ARHGAP10: variants seen among roughly 807,000 people sequenced by gnomAD.
The protein encoded by ARHGAP10 is rho GTPase-activating protein 10.
A neutral mutation model predicts 108.6 loss-of-function variants in ARHGAP10; 87 were observed. The ratio of observed to expected loss-of-function variants is 0.80; its 90% CI spans 0.67 to 0.96. ARHGAP10 has a LOEUF of 0.96. ARHGAP10 is among the 40% of genes least tolerant of loss of function. ARHGAP10 has a pLI of 0.00. For missense variants in ARHGAP10, 939 were observed against 954.5 expected (o/e 0.98, Z 0.21); for synonymous variants, 347 against 341.1 (o/e 1.02, Z -0.19).
At chr4:147,738,409 C>T (rs902545281) in intron 1 of ARHGAP10, among the ~76,000 whole-genome samples, 9 of 151,962 alleles carry the variant, frequency 5.9e-5, no homozygotes, top group South Asian at 2.1e-4. Context: ...ATAAATTAGC[C>T]GGGCGTAGTG....
Position 147,874,955 on chromosome 4 carries a change from T to C in ARHGAP10, c.703-66T>C. On this transcript the variant is annotated intron_variant, in intron 7 of 22. Coordinates refer to ENST00000336498, the MANE Select transcript of ARHGAP10 (RefSeq NM_024605.4). ...TGTAATTACATTTATGCAGAGACTTTAAAATGTTCATGAGAAAACTCATAT... is the reference window on the plus strand; with the variant it reads ...TGTAATTACATTTATGCAGAGACTTCAAAATGTTCATGAGAAAACTCATAT... The C allele has an allele frequency of 2.1e-6, 3 of 1,417,046 alleles. No homozygotes were observed. In the Admixed American group the frequency reaches 8.1e-5, roughly 38 times the overall value. 87.8% of individuals were successfully genotyped at this position (1,417,046 alleles called of 1,614,324 possible).
intron 7 of ARHGAP10, among the ~76,000 whole-genome samples, chr4:147,872,099 C>CAA (rs36205660): frequency 0.043 from 3,012 of 69,614 alleles, 199 homozygotes; most frequent in African/African-American, 0.12. Flanking sequence ...GAGACTCGGT[C>CAA]AAAAAAAAAA....
rs542025017 is a variant in ARHGAP10 at position 147,868,212 on chromosome 4, A to G, written c.702+1396A>G. On this transcript the variant is annotated intron_variant, in intron 7 of 22. Transcript: ENST00000336498. ...CAAAATTGTCCCTGCAGGTAGTAGA[A>G]TATTGAGTCTAATGTTGTTGAGTTT... 3.6e-4 allele frequency among the ~76,000 whole-genome samples: 55 copies of G among 151,976 alleles called. No individual in the cohort carries two copies. In the South Asian group the frequency reaches 0.01, roughly 29 times the overall value.
chr4:147,932,749 G>A (rs995976146), intron 13 of ARHGAP10, among the ~76,000 whole-genome samples: 1 of 152,020 alleles, frequency 6.6e-6, no homozygotes, highest in Non-Finnish European at 1.5e-5. Flanking sequence ...AAACCACTAT[G>A]GCACACGTTT....
intron 1 of ARHGAP10, among the ~76,000 whole-genome samples, chr4:147,792,499 A>G (rs1331261741): frequency 3.3e-5 from 5 of 152,160 alleles, no homozygotes; most frequent in African/African-American, 4.8e-5. Flanking sequence ...TTTATAATAT[A>G]ATGAACACCT....
In ARHGAP10 at chr4:147,985,022, G is replaced by A. The variant is rs186306780; in HGVS notation, c.1716+18183G>A. 1.6e-3 allele frequency among the ~76,000 whole-genome samples: 247 copies of A among 152,234 alleles called. 1 individual carries two copies. The highest frequency in any genetic ancestry group is 5.6e-3 in the African/African-American group (232 of 41,544). ...ACATAGAGATGTGCCTAGGTGTGGA[G>A]CTGGGAACCTCACCTGGTCTCAAGT... On this transcript the variant is annotated intron_variant, in intron 18 of 22. Transcript: ENST00000336498.
At chr4:148,001,907 C>T (rs951607465) in intron 18 of ARHGAP10, among the ~76,000 whole-genome samples, 2 of 152,084 alleles carry the variant, frequency 1.3e-5, no homozygotes, top group African/African-American at 4.8e-5. Flanking sequence ...CCCTTTATTT[C>T]TTTCTCCTGC....
At chr4:147,835,128 A>G (rs1330556464) in intron 3 of ARHGAP10, among the ~76,000 whole-genome samples, 3 of 152,156 alleles carry the variant, frequency 2.0e-5, no homozygotes, top group Admixed American at 6.5e-5. Flanking sequence ...AGTGCCTACT[A>G]TGAGCCACCG....
intron 1 of ARHGAP10, among the ~76,000 whole-genome samples, chr4:147,784,475 TTTA>T (rs975510313): frequency 1.6e-5 from 2 of 125,348 alleles, no homozygotes; most frequent in Non-Finnish European, 1.6e-5. Context: ...ATAATTTATA[TTTA>T]TATATATATT....
chr4:147,871,468 C>A (rs1345712591), intron 7 of ARHGAP10, among the ~76,000 whole-genome samples: 1 of 152,098 alleles, frequency 6.6e-6, no homozygotes, highest in African/African-American at 2.4e-5. Flanking sequence ...TTTTCTCTTT[C>A]AATCAGATTT....
chr4:147,934,076 C>T (rs1053025589), intron 13 of ARHGAP10, among the ~76,000 whole-genome samples: 4 of 152,198 alleles, frequency 2.6e-5, no homozygotes, highest in Non-Finnish European at 5.9e-5. Context: ...GGCCCTGGAG[C>T]CAAGCCACAG....
At chr4:147,805,310 C>G (rs1381147830) in intron 1 of ARHGAP10, among the ~76,000 whole-genome samples, 1 of 152,096 alleles carries the variant, frequency 6.6e-6, no homozygotes, top group African/African-American at 2.4e-5. Flanking sequence ...TTTCTGGGCT[C>G]TCTATTCTGT....
intron 18 of ARHGAP10, among the ~76,000 whole-genome samples, chr4:148,022,467 T>C (rs1395169077): frequency 1.3e-5 from 2 of 152,228 alleles, no homozygotes; most frequent in African/African-American, 4.8e-5. Flanking sequence ...GCCTGCAGCA[T>C]TGCTGGAAGG....
At chr4:148,001,420 C>T (rs1740713942) in intron 18 of ARHGAP10, among the ~76,000 whole-genome samples, 1 of 152,084 alleles carries the variant, frequency 6.6e-6, no homozygotes, top group African/African-American at 2.4e-5. Flanking sequence ...TCCATATGAA[C>T]TTCAAAGTAG....
At chr4:147,798,729 CTCTCTCTCTCTCTCTCTCTCTCTCT>C (rs1731422204) in intron 1 of ARHGAP10, among the ~76,000 whole-genome samples, 2 of 11,266 alleles carry the variant, frequency 1.8e-4, no homozygotes, top group South Asian at 3.1e-3. Flanking sequence ...GAGACACTCT[CTCTCTCTCTCTCTCTCTCTCTCTCT>C]CTCTCTCTCT....
At chr4:147,803,013 T>C (rs1342074079) in intron 1 of ARHGAP10, among the ~76,000 whole-genome samples, 1 of 144,512 alleles carries the variant, frequency 6.9e-6, no homozygotes, top group Non-Finnish European at 1.5e-5. Flanking sequence ...TTTTGTTTAT[T>C]GCTTTTTTTT....
intron 1 of ARHGAP10, among the ~76,000 whole-genome samples, chr4:147,806,951 G>C (rs1731811636): frequency 6.6e-6 from 1 of 152,178 alleles, no homozygotes; most frequent in Non-Finnish European, 1.5e-5. Context: ...AGATCCATTG[G>C]TTTTCCAAGT....
intron 1 of ARHGAP10, among the ~76,000 whole-genome samples, chr4:147,818,011 A>T (rs893289017): frequency 6.6e-6 from 1 of 152,156 alleles, no homozygotes; most frequent in Non-Finnish European, 1.5e-5. Flanking sequence ...TGAAAGATTG[A>T]ATGGTGTAAT....
intron 1 of ARHGAP10, among the ~76,000 whole-genome samples, chr4:147,799,135 A>G (rs1193091769): frequency 6.6e-6 from 1 of 151,764 alleles, no homozygotes; most frequent in Non-Finnish European, 1.5e-5. Flanking sequence ...CCCGGGTTCA[A>G]GCGATTCTCC....
Sources: gnomAD v4.1 joint callset for allele counts (sites outside exome capture counted in the v4.1 genomes callset) on GRCh38, gnomAD v4.1.1 for gene constraint, MANE v1.5 for transcripts, NCBI Gene and HGNC (gene_info 2026-07-23, HGNC 2026-07-21) for gene names.